The following FOXN1 variants were observed in gnomAD, a reference collection of about 807,000 sequenced individuals.
FOXN1 encodes forkhead box N1, also known as forkhead box protein N1.
Under a neutral mutation model 49.0 loss-of-function variants are expected in FOXN1, and 15 were observed. That is an observed-to-expected ratio of 0.31 (90% CI 0.20 to 0.47). FOXN1 has a LOEUF of 0.47. Ranked by LOEUF, FOXN1 falls within the 20% of genes least tolerant of loss-of-function variation. FOXN1 has a pLI of 1.00. For synonymous variants in FOXN1, 356 were observed against 369.0 expected, an observed-to-expected ratio of 0.96 and a Z score of 0.40; for missense variants, 800 against 842.8, an observed-to-expected ratio of 0.95 and a Z score of 0.63.
chr17:28,513,750 C>T (rs1484684945), intron 1 of FOXN1, among the ~76,000 whole-genome samples: 4 of 152,212 alleles, frequency 2.6e-5, no homozygotes, highest in Non-Finnish European at 5.9e-5. Context: ...CTCCCCGAAG[C>T]GGTGATGGTG....
intron 1 of FOXN1, among the ~76,000 whole-genome samples, chr17:28,515,393 A>G (rs543536056): frequency 6.6e-6 from 1 of 151,592 alleles, no homozygotes; most frequent in East Asian, 1.9e-4. Flanking sequence ...CACAGGGTAC[A>G]CCCTCCACAG....
chr17:28,517,834 C>T (rs1307627916), intron 1 of FOXN1, among the ~76,000 whole-genome samples: 6 of 138,446 alleles, frequency 4.3e-5, no homozygotes, highest in African/African-American at 1.7e-4. Context: ...ACAGGGTACA[C>T]ACCTCCACAG....
At chr17:28,518,215 G>A (rs190676413) in intron 1 of FOXN1, among the ~76,000 whole-genome samples, 6 of 146,996 alleles carry the variant, frequency 4.1e-5, no homozygotes, top group Admixed American at 1.3e-4. Context: ...ACACACCTCC[G>A]CAGGGTACAC....
In FOXN1 at chr17:28,534,614, G is replaced by A. The variant is rs2070005951; in HGVS notation, c.1135+76G>A. The stretch of plus-strand genomic sequence containing the variant: ...AAAAAAAAAAAAAGAGAGAATCAGA[G>A]AATGAGGCAAGGCCCCGAGTAAGGG... On this transcript the variant is annotated intron_variant, in intron 7 of 8. Transcript: ENST00000579795. This position sits in a 1 kb window ranked among gnomAD's most constrained non-coding sequence, Gnocchi z 4.1. 1 of 1,594,256 alleles carries A rather than the reference G, an allele frequency of 6.3e-7. No homozygotes were observed. Among genetic ancestry groups the A allele is most frequent in the African/African-American group, 1.4e-5 (1 of 73,706 alleles).
chr17:28,537,230 T>C lies in FOXN1; in HGVS notation c.1741T>C (p.Phe581Leu), dbSNP rs1273823392. 1 of 1,613,812 alleles carries C rather than the reference T, an allele frequency of 6.2e-7. No individual in the cohort carries two copies. The highest frequency in any genetic ancestry group is 8.5e-7 in the Non-Finnish European group (1 of 1,179,800). ...ACCACCCCAGCCACCACCTCACTGC[T>C]TCCCCCCTGGGCCCTGTCTGACAGA... ...MPPPQPPPHC[F>L]PPGPCLTETG... The change falls in exon 9 of 9, where the codon TTC becomes CTC. Residue 581 changes from phenylalanine to leucine, a missense_variant. Physicochemically the swap from Phe to Leu is conservative, Grantham distance 22. Transcript: ENST00000579795.
chr17:28,523,834 T>C (rs1221722410), intron 1 of FOXN1, 122 bp from the exon 2 acceptor site: 2 of 705,750 alleles, frequency 2.8e-6, no homozygotes, highest in Non-Finnish European at 5.0e-6. Flanking sequence ...CTCTCTCTCA[T>C]CAGATGGCTG....
intron 1 of FOXN1, among the ~76,000 whole-genome samples, chr17:28,508,742 A>C (rs1454785369): frequency 6.6e-6 from 1 of 152,044 alleles, no homozygotes; most frequent in African/African-American, 2.4e-5. Flanking sequence ...CCACATTCTG[A>C]CGAAGTTGCG....
intron 1 of FOXN1, among the ~76,000 whole-genome samples, chr17:28,514,839 A>T (rs1465969908): frequency 2.0e-5 from 3 of 152,092 alleles, no homozygotes; most frequent in African/African-American, 7.2e-5. Context: ...TCAGTTGCCC[A>T]CAGGGGAGGC....
chr17:28,523,294 G>T (rs1425872484), intron 1 of FOXN1, among the ~76,000 whole-genome samples: 2 of 152,202 alleles, frequency 1.3e-5, no homozygotes, highest in Non-Finnish European at 2.9e-5. Context: ...TGCAGTGTGG[G>T]TGGTGACATC....
intron 1 of FOXN1, among the ~76,000 whole-genome samples, chr17:28,510,090 C>T (rs2069356834): frequency 6.6e-6 from 1 of 152,110 alleles, no homozygotes; most frequent in Non-Finnish European, 1.5e-5. Flanking sequence ...GGCAACCCTC[C>T]AGATCCTCCC....
intron 1 of FOXN1, among the ~76,000 whole-genome samples, chr17:28,514,941 CGT>C (rs959155109): frequency 2.0e-5 from 3 of 152,070 alleles, no homozygotes; most frequent in Non-Finnish European, 4.4e-5. Flanking sequence ...AAGGTGGGGC[CGT>C]GTAGCGTAAT....
Position 28,526,615 on chromosome 17 carries a change from C to T in FOXN1, c.589-636C>T, listed in dbSNP as rs73278513. The stretch of plus-strand genomic sequence containing the variant: ...AGTGTGAGAGCATCCACAGGACTCA[C>T]GCAGGCCAGCAACTGTGCAGACTCC... On this transcript the variant is annotated intron_variant, in intron 3 of 8. Coordinates refer to ENST00000579795, the MANE Select transcript of FOXN1 (RefSeq NM_001369369.1). Among the ~76,000 whole-genome samples, 915 of 152,324 alleles carry T rather than the reference C, an allele frequency of 6.0e-3. 8 individuals are homozygous for T. Among genetic ancestry groups the T allele is most frequent in the African/African-American group, 0.021 (863 of 41,566 alleles).
chr17:28,522,596 G>A (rs1007940908), intron 1 of FOXN1, among the ~76,000 whole-genome samples: 2 of 151,922 alleles, frequency 1.3e-5, no homozygotes, highest in African/African-American at 4.8e-5. Context: ...GAAGTGAGCC[G>A]AGAGCATGCC....
At chr17:28,535,312 G>A (rs954194706) in intron 8 of FOXN1, 114 bp downstream of exon 8, 5 of 1,173,018 alleles carry the variant, frequency 4.3e-6, no homozygotes, top group East Asian at 5.0e-5. Flanking sequence ...TGGGTTTCTG[G>A]TCAACTGAAG....
chr17:28,508,990 T>C (rs1409641191), intron 1 of FOXN1, among the ~76,000 whole-genome samples: 1 of 131,796 alleles, frequency 7.6e-6, no homozygotes, highest in East Asian at 2.4e-4. Flanking sequence ...CCACAGGAGG[T>C]GGTTTCCTGA....
rs753697182 is a variant in FOXN1 at position 28,524,840 on chromosome 17, C to T, written c.461C>T (p.Pro154Leu). The change falls in exon 3 of 9, where the codon CCG becomes CTG. Residue 154 changes from proline to leucine, a missense_variant. By Grantham distance (98) the Pro-to-Leu change is moderately conservative. This residue lies in a region of FOXN1 where 383 missense variants were observed against 357.9 expected (regional missense o/e 1.07). Coordinates refer to ENST00000579795, the MANE Select transcript of FOXN1 (RefSeq NM_001369369.1). ...LKGHSFKTPG[P>L]LEAFEEIPVD... is the part of the protein sequence containing the mutation. ...GGACACTCCTTTAAGACCCCAGGGCCGCTGGAGGCCTTCGAGGAGATCCCA... is the reference window on the plus strand; with the variant it reads ...GGACACTCCTTTAAGACCCCAGGGCTGCTGGAGGCCTTCGAGGAGATCCCA... The T allele has an allele frequency of 1.2e-5, 20 of 1,613,648 alleles. No homozygotes were observed. The African/African-American group carries it at 1.5e-4, about 12-fold the overall frequency.
At position 28,537,641 on chromosome 17, in the gene FOXN1, G is replaced by A. The variant is rs2070105075; in HGVS notation, c.*205G>A. ...CTCTCACACATTTCTGCCACGTGGT[G>A]GCCCAGCTCCTCACCCAGGGCCCCC... On this transcript the variant is annotated 3_prime_UTR_variant, in exon 9 of 9. Coordinates refer to ENST00000579795, the MANE Select transcript of FOXN1 (RefSeq NM_001369369.1). 6.3e-6 allele frequency: 4 copies of A among 631,392 alleles called. No homozygotes were observed. The highest frequency in any genetic ancestry group is 8.6e-6 in the Non-Finnish European group (3 of 347,772). 39.1% of individuals were successfully genotyped at this position (631,392 alleles called of 1,614,324 possible). A position where few individuals can be genotyped will look rare whatever the true frequency, so the allele number is the denominator to read the frequency against.
At chr17:28,508,680 T>C (rs11869302) in intron 1 of FOXN1, among the ~76,000 whole-genome samples, 3,691 of 152,248 alleles carry the variant, frequency 0.024, 148 homozygotes, top group African/African-American at 0.084. Flanking sequence ...GCTTGGGCGC[T>C]GGCAGGGACA....
At chr17:28,514,046 G>A (rs1323739878) in intron 1 of FOXN1, among the ~76,000 whole-genome samples, 2 of 152,296 alleles carry the variant, frequency 1.3e-5, no homozygotes, top group Admixed American at 1.3e-4. Flanking sequence ...AGGACAAGAG[G>A]ACTAAGATTA....
Sources: allele counts gnomAD v4.1 joint callset (sites outside exome capture counted in the v4.1 genomes callset), GRCh38; gene constraint gnomAD v4.1.1; regional missense constraint gnomAD v4.1.1; non-coding constraint Gnocchi (gnomAD v3.1); transcripts MANE v1.5; gene names NCBI Gene and HGNC (gene_info 2026-07-23, HGNC 2026-07-21).